The following LOC128462377 variants were observed in gnomAD, a reference collection of about 807,000 sequenced individuals.
chr16:89,325,351 T>A, the LOC128462377 span, among the ~76,000 whole-genome samples: 2 of 151,884 alleles, frequency 1.3e-5, no homozygotes, highest in African/African-American at 4.8e-5. Context: ...GGCAGGAGGA[T>A]CACTTGAGCC....
chr16:89,345,223 G>A, the LOC128462377 span, among the ~76,000 whole-genome samples: 1 of 152,064 alleles, frequency 6.6e-6, no homozygotes, highest in African/African-American at 2.4e-5. Context: ...AAAAAATGGA[G>A]CGGCAAAAAA....
the LOC128462377 span, chr16:89,418,270 C>CAGTG: frequency 2.2e-6 from 1 of 453,814 alleles, no homozygotes; most frequent in Non-Finnish European, 4.4e-6. Flanking sequence ...ATAGAGAATG[C>CAGTG]AGTGAGTATT....
At chr16:89,349,086 C>A in the LOC128462377 span, among the ~76,000 whole-genome samples, 1 of 133,352 alleles carries the variant, frequency 7.5e-6, no homozygotes, top group Non-Finnish European at 1.5e-5. Context: ...CTAGATGGCA[C>A]CACTGCACTC....
At chr16:89,359,396 C>T in the LOC128462377 span, among the ~76,000 whole-genome samples, 1 of 152,212 alleles carries the variant, frequency 6.6e-6, no homozygotes, top group African/African-American at 2.4e-5. Context: ...CTCCTGGAGC[C>T]AGCCCCAGCA....
chr16:89,333,390 C>T, the LOC128462377 span, among the ~76,000 whole-genome samples: 5 of 152,178 alleles, frequency 3.3e-5, no homozygotes, highest in East Asian at 1.9e-4. Flanking sequence ...ACAGGCCGCA[C>T]GACCTCAGGG....
chr16:89,348,873 TA>T, the LOC128462377 span, among the ~76,000 whole-genome samples: 1,815 of 130,304 alleles, frequency 0.014, 20 homozygotes, highest in African/African-American at 0.039. Flanking sequence ...TTATTGTCTT[TA>T]AAAAAAAAAA....
the LOC128462377 span, among the ~76,000 whole-genome samples, chr16:89,333,564 T>G: frequency 6.6e-6 from 1 of 152,230 alleles, no homozygotes; most frequent in Admixed American, 6.5e-5. Flanking sequence ...CTGATCTTTG[T>G]GCTGTCTGCA....
chr16:89,344,224 T>C, the LOC128462377 span, among the ~76,000 whole-genome samples: 1 of 152,158 alleles, frequency 6.6e-6, no homozygotes, highest in Admixed American at 6.5e-5. Flanking sequence ...AACGATCCAT[T>C]TCAAATTACA....
At chr16:89,327,232 C>A in the LOC128462377 span, among the ~76,000 whole-genome samples, 4 of 152,208 alleles carry the variant, frequency 2.6e-5, 1 homozygote, top group African/African-American at 9.7e-5. Flanking sequence ...CACATAATCA[C>A]AACTGGTACA....
chr16:89,413,350 G>A, the LOC128462377 span, among the ~76,000 whole-genome samples: 2 of 152,188 alleles, frequency 1.3e-5, no homozygotes, highest in African/African-American at 4.8e-5. Context: ...AGTGGACTGG[G>A]CGCAGTGGCT....
chr16:89,326,708 C>T, the LOC128462377 span, among the ~76,000 whole-genome samples: 4 of 152,170 alleles, frequency 2.6e-5, no homozygotes, highest in African/African-American at 9.7e-5. Flanking sequence ...CACCACTGCA[C>T]TCCAACCTTG....
chr16:89,372,845 T>C, the LOC128462377 span: 1 of 152,196 alleles, frequency 6.6e-6, no homozygotes, highest in African/African-American at 2.4e-5. Context: ...AGTTACTTCC[T>C]ACAGCTCCTG....
the LOC128462377 span, among the ~76,000 whole-genome samples, chr16:89,397,381 C>T: frequency 6.6e-6 from 1 of 152,240 alleles, no homozygotes. Context: ...TGAGTTTTCT[C>T]AAAGAAGCTG....
At chr16:89,341,107 T>C in the LOC128462377 span, among the ~76,000 whole-genome samples, 26 of 152,298 alleles carry the variant, frequency 1.7e-4, no homozygotes, top group African/African-American at 5.8e-4. Context: ...ATGTGGACTG[T>C]TTATATGCAA....
the LOC128462377 span, among the ~76,000 whole-genome samples, chr16:89,365,595 T>C: frequency 6.6e-6 from 1 of 152,152 alleles, no homozygotes; most frequent in Non-Finnish European, 1.5e-5. Flanking sequence ...GCCTTAATAA[T>C]TGAAAAAGAG....
the LOC128462377 span, among the ~76,000 whole-genome samples, chr16:89,384,377 A>G: frequency 3.3e-5 from 5 of 152,298 alleles, no homozygotes; most frequent in Admixed American, 2.0e-4. Context: ...TGAAAAATAC[A>G]AAAATTAGCT....
chr16:89,348,755 G>A, the LOC128462377 span, among the ~76,000 whole-genome samples: 1 of 151,632 alleles, frequency 6.6e-6, no homozygotes, highest in Non-Finnish European at 1.5e-5. Flanking sequence ...TTCCCTTATT[G>A]TACTTTGAAT....
chr16:89,354,179 C>A, the LOC128462377 span, among the ~76,000 whole-genome samples: 2 of 142,526 alleles, frequency 1.4e-5, no homozygotes, highest in African/African-American at 5.2e-5. Flanking sequence ...TTTACCCATT[C>A]AAATCTTCCA....
At chr16:89,397,675 AGTGT>A in the LOC128462377 span, among the ~76,000 whole-genome samples, 1 of 152,192 alleles carries the variant, frequency 6.6e-6, no homozygotes, top group African/African-American at 2.4e-5. Flanking sequence ...CCAGTTTTAC[AGTGT>A]GCTTTTGTGG....
Sources: gnomAD v4.1 joint callset for allele counts (sites outside exome capture counted in the v4.1 genomes callset) on GRCh38, gnomAD v4.1.1 for gene constraint, MANE v1.5 for transcripts.